The following METTL13 variants were observed in gnomAD, a reference collection of about 807,000 sequenced individuals.
METTL13 encodes methyltransferase 13, eEF1A N-terminus and K55.
In METTL13, 52 loss-of-function variants were observed where a neutral mutation model predicts 67.4. The ratio of observed to expected loss-of-function variants is 0.77; its 90% confidence interval spans 0.62 to 0.97. The LOEUF (loss-of-function observed/expected upper bound fraction) is 0.97. Ranked by LOEUF, METTL13 falls within the 50% of genes least tolerant of loss-of-function variation. METTL13 has a pLI of 0.00. For synonymous variants in METTL13, 354 were observed against 353.6 expected, an observed-to-expected ratio of 1.00 and a Z score of -0.01; for missense variants, 825 against 889.6, an observed-to-expected ratio of 0.93 and a Z score of 0.92.
At chr1:171,789,754 G>A (rs1278628140) in intron 4 of METTL13, among the ~76,000 whole-genome samples, 2 of 140,856 alleles carry the variant, frequency 1.4e-5, no homozygotes, top group East Asian at 4.5e-4. Context: ...GTTTTCCCAG[G>A]TTTTTGAGTG....
intron 1 of METTL13, among the ~76,000 whole-genome samples, chr1:171,782,825 A>G (rs1470431309): frequency 1.3e-5 from 2 of 152,338 alleles, no homozygotes; most frequent in East Asian, 3.9e-4. Context: ...AACCCTGCAC[A>G]TGTTCCAGAA....
In METTL13 at chr1:171,783,270, C is replaced by T. The variant is rs184790688; in HGVS notation, c.154-470C>T. On this transcript the variant is annotated intron_variant, in intron 1 of 7. Transcript: ENST00000361735. ...TTTAAGTTCGGCTTCAGAAGATAGC[C>T]AAATATCATGAGATGGAATCCGTGA... is the stretch of plus-strand genomic sequence containing the variant. Among the ~76,000 whole-genome samples the T allele has an allele frequency of 1.2e-3, 185 of 152,188 alleles. 1 individual carries two copies. The highest frequency in any genetic ancestry group is 4.0e-3 in the African/African-American group (166 of 41,508).
intron 4 of METTL13, among the ~76,000 whole-genome samples, chr1:171,789,999 G>A (rs34320898): frequency 2.8e-4 from 42 of 152,238 alleles, no homozygotes; most frequent in South Asian, 1.0e-3. Context: ...TGGTTCTGCA[G>A]ACTGTACAAG....
intron 5 of METTL13, 25 bp from the exon 6 acceptor site, chr1:171,791,992 G>A: frequency 1.2e-6 from 2 of 1,611,708 alleles, no homozygotes; most frequent in African/African-American, 1.3e-5. Context: ...AGGTGGCAAT[G>A]TGATGCTCTA....
In METTL13 at chr1:171,784,107, T is replaced by G. The variant is rs750370447; in HGVS notation, c.521T>G (p.Phe174Cys). The G allele has an allele frequency of 1.2e-6, 2 of 1,614,164 alleles. No individual in the cohort carries two copies. The highest frequency in any genetic ancestry group is 1.1e-5 in the South Asian group (1 of 91,080). ...AHILKKAVGH[F>C]SREGWMVRVH... ...ATCCTGAAGAAAGCAGTGGGCCACT[T>G]CTCCCGGGAGGGGTGGATGGTGAGG... is the stretch of plus-strand genomic sequence containing the variant. The change falls in exon 2 of 8, where the codon TTC (phenylalanine) becomes TGC (cysteine). Residue 174 changes from phenylalanine (F) to cysteine (C), a missense_variant. Coordinates refer to ENST00000361735, the MANE Select transcript of METTL13 (RefSeq NM_015935.5).
rs201545508 is a variant in METTL13 at position 171,794,455 on chromosome 1, A to C, written c.1753A>C (p.Met585Leu). The part of the protein sequence containing the change: ...DVDSKDPTLG[M>L]SCPPPAFVEQ... ...TGACAGTAAGGACCCAACACTGGGAATGAGTTGTCCGCCCCCAGCATTTGT... is the reference window on the plus strand; with the variant it reads ...TGACAGTAAGGACCCAACACTGGGACTGAGTTGTCCGCCCCCAGCATTTGT... Residue 585 changes from methionine (M) to leucine (L), a missense_variant, in exon 7 of 8, where the codon ATG becomes CTG. By Grantham distance (15) the Met-to-Leu change is conservative. Transcript: ENST00000361735. The C allele has an allele frequency of 1.5e-4, 245 of 1,614,228 alleles. 1 individual carries two copies. The East Asian group carries it at 4.3e-3, about 28-fold the overall frequency.
chr1:171,793,388 A>G (rs150252982), intron 6 of METTL13, among the ~76,000 whole-genome samples: 31 of 152,352 alleles, frequency 2.0e-4, no homozygotes, highest in Non-Finnish European at 1.0e-4. Context: ...GTTGTTATCT[A>G]TAGATCAGTT....
intron 1 of METTL13, among the ~76,000 whole-genome samples, chr1:171,782,675 G>C (rs1656868458): frequency 6.6e-6 from 1 of 152,126 alleles, no homozygotes; most frequent in African/African-American, 2.4e-5. Context: ...TTGAAAGTAT[G>C]TTCTTCTGTC....
intron 1 of METTL13, 57 bp from the exon 2 acceptor site, chr1:171,783,683 T>G: frequency 6.5e-7 from 1 of 1,540,072 alleles, no homozygotes; most frequent in South Asian, 1.3e-5. Context: ...TTGAAGTACC[T>G]GAAGTACAGT....
intron 5 of METTL13, among the ~76,000 whole-genome samples, chr1:171,791,188 T>G (rs1395013071): frequency 6.6e-6 from 1 of 152,220 alleles, no homozygotes; most frequent in African/African-American, 2.4e-5. Flanking sequence ...TCTCAGTTCT[T>G]AGATTTAATT....
Position 171,794,506 on chromosome 1 carries a change from A to G in METTL13, c.1804A>G (p.Lys602Glu), listed in dbSNP as rs1327893445. The change falls in exon 7 of 8, where the codon AAA becomes GAA. Residue 602 changes from lysine (K) to glutamate (E), a missense_variant. By Grantham distance (56) the Lys-to-Glu change is moderately conservative (BLOSUM62 1). Coordinates refer to ENST00000361735, the MANE Select transcript of METTL13 (RefSeq NM_015935.5). ...GGAGCAATCTTTTCTACAGAAGGTT[A>G]AAAGCATCTTGACTCCTGAAGGTAT... is the stretch of plus-strand genomic sequence containing the variant. ...FVEQSFLQKV[K>E]SILTPEGVFI... is the part of the protein sequence containing the mutation. The G allele has an allele frequency of 3.1e-6, 5 of 1,614,252 alleles. No individual in the cohort carries two copies. The highest frequency in any genetic ancestry group is 1.7e-5 in the Admixed American group (1 of 60,028).
chr1:171,784,991 T>C (rs1460598973), intron 2 of METTL13, among the ~76,000 whole-genome samples: 1 of 152,188 alleles, frequency 6.6e-6, no homozygotes, highest in Non-Finnish European at 1.5e-5. Flanking sequence ...AAAAGTGAGC[T>C]CTGGAACCAG....
chr1:171,788,273 C>T (rs189597909), intron 4 of METTL13, among the ~76,000 whole-genome samples: 2 of 152,346 alleles, frequency 1.3e-5, no homozygotes, highest in Admixed American at 1.3e-4. Flanking sequence ...CAGGTGAGCC[C>T]TGCCCTCCAT....
intron 6 of METTL13, among the ~76,000 whole-genome samples, chr1:171,792,643 T>C (rs1657245248): frequency 6.6e-6 from 1 of 152,246 alleles, no homozygotes; most frequent in Non-Finnish European, 1.5e-5. Flanking sequence ...AGCAAAACAG[T>C]ATTCATGTAA....
chr1:171,784,042 G>A lies in METTL13; in HGVS notation c.456G>A (p.Val152=). 6.2e-7 allele frequency: 1 copy of A among 1,614,216 alleles called. No individual in the cohort carries two copies. Among genetic ancestry groups the A allele is most frequent in the South Asian group, 1.1e-5 (1 of 91,086 alleles). The change falls in exon 2 of 8, where the codon GTG becomes GTA. Residue 152 remains valine (V), a synonymous_variant. Coordinates refer to ENST00000361735, the MANE Select transcript of METTL13 (RefSeq NM_015935.5). ...MLAEVGRVLQ[V]GGRYLCISLA... is the part of the protein sequence containing the mutation. The stretch of plus-strand genomic sequence containing the variant: ...CTGAGGTTGGCCGTGTCCTGCAGGT[G>A]GGCGGTCGCTATCTCTGCATCTCCC...
intron 1 of METTL13, 136 bp downstream of exon 1, chr1:171,782,256 T>A: frequency 1.3e-6 from 1 of 779,354 alleles, no homozygotes; most frequent in Non-Finnish European, 2.1e-6. Flanking sequence ...CCTGCATTGT[T>A]CCTGCTAAAA....
At position 171,784,290 on chromosome 1, in the gene METTL13, G is replaced by A. The variant is rs138113758; in HGVS notation, c.704G>A (p.Arg235Gln). 30 of 1,612,170 alleles carry A rather than the reference G, an allele frequency of 1.9e-5. No individual in the cohort carries two copies. Among genetic ancestry groups the A allele is most frequent in the Non-Finnish European group, 2.5e-5 (29 of 1,178,846 alleles). Residue 235 changes from arginine (R) to glutamine (Q), a missense_variant, in exon 2 of 8, where the codon CGG becomes CAG. By Grantham distance (43) the Arg-to-Gln change is conservative. Coordinates refer to ENST00000361735, the MANE Select transcript of METTL13 (RefSeq NM_015935.5). The stretch of plus-strand genomic sequence containing the variant: ...GCTCAGGAGCAGCGCAAGCCTGTGC[G>A]GCTGGAGAGTGCCGAGCGGCTGGCC... ...LCAQEQRKPV[R>Q]LESAERLAEA...
chr1:171,782,057 G>C lies in METTL13; in HGVS notation c.90G>C (p.Glu30Asp). ...AGCAGCGAGGAAAGAAAGCTTTCGA[G>C]TGGTATGGAACCTACCTGGAACTGT... ...FFQQRGKKAF[E>D]WYGTYLELCG... Residue 30 changes from glutamate to aspartate, a missense_variant, in exon 1 of 8, where the codon GAG (glutamate) becomes GAC (aspartate). Glu to Asp is a conservative substitution (Grantham distance 45, BLOSUM62 2). Coordinates refer to ENST00000361735, the MANE Select transcript of METTL13 (RefSeq NM_015935.5). The C allele has an allele frequency of 6.2e-7, 1 of 1,614,158 alleles. No homozygotes were observed. The highest frequency in any genetic ancestry group is 1.1e-5 in the South Asian group (1 of 91,086).
rs1657324075 is a variant in METTL13 at position 171,795,090 on chromosome 1, T to A, written c.1825+563T>A. Among the ~76,000 whole-genome samples, 3 of 152,320 alleles carry A rather than the reference T, an allele frequency of 2.0e-5. No individual in the cohort carries two copies. In the South Asian group the frequency reaches 6.2e-4, roughly 32 times the overall value. The stretch of plus-strand genomic sequence containing the variant: ...ATCCTCCTACCTTGGCCTCCCAAAG[T>A]GCTGGGATTACAGGCATGAGCCACT... On this transcript the variant is annotated intron_variant, in intron 7 of 7. Transcript: ENST00000361735.
Sources: gnomAD v4.1 joint callset for allele counts (sites outside exome capture counted in the v4.1 genomes callset) on GRCh38, gnomAD v4.1.1 for gene constraint, MANE v1.5 for transcripts, NCBI Gene and HGNC (gene_info 2026-07-23, HGNC 2026-07-21) for gene names.